CPNE4: variants seen among roughly 807,000 people sequenced by gnomAD.
The protein encoded by CPNE4 is copine-4.
In CPNE4, 25 loss-of-function variants were observed where a neutral mutation model predicts 67.9. The observed-to-expected ratio is 0.37, with a 90% CI of 0.27 to 0.51. The LOEUF is 0.51. CPNE4 is among the 20% of genes least tolerant of loss of function. The pLI, the probability that CPNE4 is intolerant of heterozygous loss-of-function variation, is 0.93. For missense variants in CPNE4, 464 were observed against 690.8 expected, an observed-to-expected ratio of 0.67 and a Z score of 3.68; for synonymous variants, 242 against 244.9, an observed-to-expected ratio of 0.99 and a Z score of 0.11.
chr3:131,565,635 T>C (rs1161349588), intron 10 of CPNE4, among the ~76,000 whole-genome samples: 3 of 152,036 alleles, frequency 2.0e-5, no homozygotes, highest in African/African-American at 7.2e-5. Context: ...AATTCATTTA[T>C]AGGCTTTTTT....
At chr3:131,743,084 A>G (rs1195545103) in intron 2 of CPNE4, among the ~76,000 whole-genome samples, 2 of 152,232 alleles carry the variant, frequency 1.3e-5, no homozygotes, top group African/African-American at 4.8e-5. Flanking sequence ...TTAATAAAAT[A>G]AAACAGACCA....
intron 2 of CPNE4, among the ~76,000 whole-genome samples, chr3:131,751,708 CA>C (rs1376526386): frequency 4.6e-5 from 7 of 151,044 alleles, no homozygotes; most frequent in African/African-American, 1.7e-4. Context: ...TAAACCTAGA[CA>C]TTTTTTTGTA....
chr3:131,643,361 G>T (rs7429918), intron 7 of CPNE4, among the ~76,000 whole-genome samples: 21,984 of 152,184 alleles, frequency 0.14, 1,897 homozygotes, highest in African/African-American at 0.24. Flanking sequence ...TTTTGGACTT[G>T]CATGGGGCTG....
At chr3:131,732,886 A>C (rs1437763412) in intron 2 of CPNE4, among the ~76,000 whole-genome samples, 1 of 152,140 alleles carries the variant, frequency 6.6e-6, no homozygotes, top group Non-Finnish European at 1.5e-5. Flanking sequence ...AACTTTGAAA[A>C]CTTGTAATCC....
intron 2 of CPNE4, among the ~76,000 whole-genome samples, chr3:131,743,979 A>AAAG: frequency 6.7e-6 from 1 of 148,870 alleles, no homozygotes; most frequent in South Asian, 2.1e-4. Context: ...AAAAAAAAAA[A>AAAG]AAAAACAATA....
chr3:131,866,294 GGA>G (rs2086947655), intron 2 of CPNE4, among the ~76,000 whole-genome samples: 2 of 152,162 alleles, frequency 1.3e-5, no homozygotes, highest in African/African-American at 4.8e-5. Context: ...CAGGAATTCC[GGA>G]GCAAGGAAGT....
At chr3:131,922,450 C>T (rs2070767889) in intron 1 of CPNE4, among the ~76,000 whole-genome samples, 1 of 152,094 alleles carries the variant, frequency 6.6e-6, no homozygotes, top group South Asian at 2.1e-4. Flanking sequence ...CTAAGAGAGA[C>T]AGGTCTTAAG....
chr3:131,945,913 A>G (rs1231542902), intron 1 of CPNE4, among the ~76,000 whole-genome samples: 2 of 152,216 alleles, frequency 1.3e-5, no homozygotes, highest in East Asian at 3.9e-4. Context: ...CCCTTGCTGC[A>G]CATCTGAACC....
chr3:131,944,720 AT>A (rs2071499464), intron 1 of CPNE4, among the ~76,000 whole-genome samples: 1 of 152,100 alleles, frequency 6.6e-6, no homozygotes, highest in African/African-American at 2.4e-5. Flanking sequence ...TTACATCTTA[AT>A]TTTTTTACTC....
intron 1 of CPNE4, among the ~76,000 whole-genome samples, chr3:131,997,989 C>T (rs1244943924): frequency 1.3e-5 from 2 of 152,124 alleles, no homozygotes; most frequent in Non-Finnish European, 2.9e-5. Context: ...TTCATCACCT[C>T]TTCTTAGGCC....
chr3:131,666,516 T>TA (rs1331234365), intron 7 of CPNE4, among the ~76,000 whole-genome samples: 1 of 152,186 alleles, frequency 6.6e-6, no homozygotes, highest in Non-Finnish European at 1.5e-5. Flanking sequence ...GCAAGGACGT[T>TA]ACTAAGTTTA....
intron 7 of CPNE4, among the ~76,000 whole-genome samples, chr3:131,631,047 T>C (rs1291670669): frequency 6.6e-6 from 1 of 152,186 alleles, no homozygotes; most frequent in Admixed American, 6.5e-5. Context: ...TGAAATCTCA[T>C]TACTTGGATG....
intron 3 of CPNE4, among the ~76,000 whole-genome samples, chr3:131,722,373 AAGCTTC>A (rs1361843114): frequency 3.3e-5 from 5 of 152,190 alleles, no homozygotes; most frequent in Non-Finnish European, 7.3e-5. Context: ...TCTGATGTTA[AAGCTTC>A]ATCAATTTCA....
intron 7 of CPNE4, among the ~76,000 whole-genome samples, chr3:131,616,793 A>G (rs1004982368): frequency 6.6e-6 from 1 of 152,238 alleles, no homozygotes; most frequent in Admixed American, 6.5e-5. Context: ...CAGACAGAAC[A>G]TAAAAGAAAA....
At chr3:131,580,339 T>G (rs1246276394) in intron 9 of CPNE4, among the ~76,000 whole-genome samples, 2 of 152,090 alleles carry the variant, frequency 1.3e-5, no homozygotes, top group Non-Finnish European at 2.9e-5. Context: ...ATGACTTGCT[T>G]TATTGCATTG....
At chr3:131,672,803 T>C (rs9877329) in intron 6 of CPNE4, among the ~76,000 whole-genome samples, 57,469 of 151,934 alleles carry the variant, frequency 0.38, 12,458 homozygotes, top group Non-Finnish European at 0.48. Flanking sequence ...TTCACTTTTT[T>C]TATTGCTTCC....
At chr3:131,983,940 G>A (rs1208565679) in intron 1 of CPNE4, among the ~76,000 whole-genome samples, 1 of 152,154 alleles carries the variant, frequency 6.6e-6, no homozygotes, top group Non-Finnish European at 1.5e-5. Flanking sequence ...GTGGATATGG[G>A]AGAAGCACAA....
chr3:131,793,459 A>C (rs1463081121), intron 2 of CPNE4, among the ~76,000 whole-genome samples: 1 of 152,208 alleles, frequency 6.6e-6, no homozygotes, highest in Non-Finnish European at 1.5e-5. Flanking sequence ...AATAACAACA[A>C]GATCAACAAC....
intron 1 of CPNE4, among the ~76,000 whole-genome samples, chr3:131,987,063 C>T (rs2073067116): frequency 6.6e-6 from 1 of 152,116 alleles, no homozygotes; most frequent in Non-Finnish European, 1.5e-5. Flanking sequence ...AGAATGAATG[C>T]TCCATAAAAA....
Sources: gnomAD v4.1 joint callset for allele counts (sites outside exome capture counted in the v4.1 genomes callset) on GRCh38, gnomAD v4.1.1 for gene constraint, MANE v1.5 for transcripts, NCBI Gene and HGNC (gene_info 2026-07-23, HGNC 2026-07-21) for gene names.